DYNLL2: variants seen among roughly 807,000 people sequenced by gnomAD.
DYNLL2 encodes the protein dynein light chain 2, cytoplasmic.
DYNLL2 carries 1 observed loss-of-function variant against 9.7 expected under a neutral mutation model. The observed-to-expected ratio is 0.10, with a 90% CI of 0.04 to 0.49. The LOEUF is 0.49. Ranked by LOEUF, DYNLL2 falls within the 20% of genes least tolerant of loss-of-function variation. The pLI, the probability that DYNLL2 is intolerant of heterozygous loss-of-function variation, is 0.95. For missense variants in DYNLL2, 37 were observed against 115.2 expected (o/e 0.32, Z 3.11); for synonymous variants, 35 against 40.5 (o/e 0.86, Z 0.52).
rs1315748471 is a variant in DYNLL2, at chr17:58,093,044, T to C, written c.*3765T>C. ...ACTTTCTGGCCTGTGACAACTAGAA[T>C]ATAAGCTCTGTGAGAGCATTTTTCT... On this transcript the variant is annotated 3_prime_UTR_variant, in exon 3 of 3. Transcript: ENST00000579991. 2.0e-5 allele frequency: 3 copies of C among 152,248 alleles called. No homozygotes were observed. The highest frequency in any genetic ancestry group is 4.4e-5 in the Non-Finnish European group (3 of 68,042). The allele number at this position is 152,248 out of a possible 1,614,324, so 9.4% of individuals were successfully genotyped here.
Position 58,087,202 on chromosome 17 carries a change from A to G in DYNLL2, c.112A>G (p.Ile38Val). 1 of 1,614,180 alleles carries G rather than the reference A, an allele frequency of 6.2e-7. No individual in the cohort carries two copies. The highest frequency in any genetic ancestry group is 8.5e-7 in the Non-Finnish European group (1 of 1,179,994). Residue 38 changes from isoleucine (I) to valine (V), a missense_variant, in exon 2 of 3, where the codon ATT (isoleucine) becomes GTT (valine). Ile to Val is a conservative substitution (Grantham distance 29). Coordinates refer to ENST00000579991, the MANE Select transcript of DYNLL2 (RefSeq NM_080677.3). Reference sequence around the variant, plus strand: ...GGAGAAGTACAATATAGAGAAGGACATTGCTGCCTATATCAAGAAGGTGTG... The same window carrying G: ...GGAGAAGTACAATATAGAGAAGGACGTTGCTGCCTATATCAAGAAGGTGTG... ...AMEKYNIEKDIAAYIKKEFDK... is the reference protein window; with the variant it reads ...AMEKYNIEKDVAAYIKKEFDK...
chr17:58,087,409 G>A (rs2075764062), intron 2 of DYNLL2, among the ~76,000 whole-genome samples, 187 bp downstream of exon 2: 1 of 141,014 alleles, frequency 7.1e-6, no homozygotes, highest in African/African-American at 2.6e-5. Flanking sequence ...CTTAGGAGTT[G>A]TTAATAGCTC....
At chr17:58,086,658 A>G (rs2075761035) in intron 1 of DYNLL2, among the ~76,000 whole-genome samples, 1 of 152,198 alleles carries the variant, frequency 6.6e-6, no homozygotes, top group Non-Finnish European at 1.5e-5. Context: ...AATTCTGTTC[A>G]AATGTTAGGA....
Position 58,090,217 on chromosome 17 carries a change from T to G in DYNLL2, c.*938T>G. 1 of 296,476 alleles carries G rather than the reference T, an allele frequency of 3.4e-6. No individual in the cohort carries two copies. Among genetic ancestry groups the G allele is most frequent in the East Asian group, 5.5e-5 (1 of 18,338 alleles). 18.4% of individuals were successfully genotyped at this position (296,476 alleles called of 1,614,324 possible). On this transcript the variant is annotated 3_prime_UTR_variant, in exon 3 of 3. Transcript: ENST00000579991. The stretch of plus-strand genomic sequence containing the variant: ...ATTGATGTCTCCCTTGACTCTTCTG[T>G]GTATATGTGTGAATATGTGTGTATA...
intron 1 of DYNLL2, among the ~76,000 whole-genome samples, chr17:58,085,387 G>C (rs1241271000): frequency 6.6e-6 from 1 of 152,224 alleles, no homozygotes. Flanking sequence ...CCGAGATCAA[G>C]GTGGCCTGGA....
At chr17:58,089,000 G>A in intron 2 of DYNLL2, 142 bp from the exon 3 acceptor site, 1 of 983,622 alleles carries the variant, frequency 1.0e-6, no homozygotes, top group African/African-American at 1.7e-5. Flanking sequence ...TTGAGGTTCG[G>A]GGAGCTGAGG....
chr17:58,089,084 A>G, intron 2 of DYNLL2, 58 bp from the exon 3 acceptor site: 4 of 1,603,956 alleles, frequency 2.5e-6, no homozygotes, highest in Non-Finnish European at 3.4e-6. Context: ...TCCCATTCTG[A>G]TTTCTCCTTC....
rs2075771847 is a variant in DYNLL2, at chr17:58,089,360, A to G, written c.*81A>G. 1 of 1,546,056 alleles carries G rather than the reference A, an allele frequency of 6.5e-7. No homozygotes were observed. On this transcript the variant is annotated 3_prime_UTR_variant, in exon 3 of 3. Coordinates refer to ENST00000579991, the MANE Select transcript of DYNLL2 (RefSeq NM_080677.3). Reference sequence around the variant, plus strand: ...GCTGGGACTGTTTTGCACTGGAGCCAGCATCAGGATGTCCTCTCCAATGGC... The same window carrying G: ...GCTGGGACTGTTTTGCACTGGAGCCGGCATCAGGATGTCCTCTCCAATGGC...
intron 1 of DYNLL2, among the ~76,000 whole-genome samples, chr17:58,086,082 CAT>C (rs1386343147): frequency 1.3e-5 from 2 of 152,136 alleles, no homozygotes; most frequent in Non-Finnish European, 2.9e-5. Context: ...CAGAGAGAGA[CAT>C]GTCCTGTGTG....
Position 58,094,137 on chromosome 17 carries a change from T to C in DYNLL2, c.*4858T>C, listed in dbSNP as rs1286855074. On this transcript the variant is annotated 3_prime_UTR_variant, in exon 3 of 3. Transcript: ENST00000579991. The stretch of plus-strand genomic sequence containing the variant: ...ATGCAAACATGCAAAAACAGTGTGG[T>C]AGTGTAGGCAGAACAAGATCTAGAA... The C allele has an allele frequency of 6.6e-6, 1 of 152,180 alleles. No individual in the cohort carries two copies. The highest frequency in any genetic ancestry group is 1.5e-5 in the Non-Finnish European group (1 of 68,052). The allele number at this position is 152,180 out of a possible 1,614,324, so 9.4% of individuals were successfully genotyped here.
intron 2 of DYNLL2, among the ~76,000 whole-genome samples, chr17:58,088,082 TC>T (rs2075766824): frequency 1.2e-5 from 1 of 80,864 alleles, no homozygotes; most frequent in Admixed American, 1.4e-4. Context: ...ACTCCTGGAG[TC>T]CTGAGGGACT....
intron 1 of DYNLL2, 60 bp from the exon 2 acceptor site, chr17:58,087,022 G>C (rs897254360): frequency 1.3e-6 from 2 of 1,592,262 alleles, no homozygotes; most frequent in Non-Finnish European, 1.7e-6. Context: ...ACACCCAGCA[G>C]CTAATGTTCA....
rs1474843946 is a variant in DYNLL2, at chr17:58,094,151, C to G, written c.*4872C>G. On this transcript the variant is annotated 3_prime_UTR_variant, in exon 3 of 3. Coordinates refer to ENST00000579991, the MANE Select transcript of DYNLL2 (RefSeq NM_080677.3). ...AAACAGTGTGGTAGTGTAGGCAGAACAAGATCTAGAATCAGAAGACCTGGA... is the reference window on the plus strand; with the variant it reads ...AAACAGTGTGGTAGTGTAGGCAGAAGAAGATCTAGAATCAGAAGACCTGGA... The G allele has an allele frequency of 1.3e-5, 2 of 152,148 alleles. No individual in the cohort carries two copies. The highest frequency in any genetic ancestry group is 2.9e-5 in the Non-Finnish European group (2 of 68,038). The allele number at this position is 152,148 out of a possible 1,614,324, so 9.4% of individuals were successfully genotyped here.
In DYNLL2 at chr17:58,089,546, C is replaced by T. The variant is rs1334916024; in HGVS notation, c.*267C>T. 2.1e-6 allele frequency: 1 copy of T among 466,724 alleles called. No homozygotes were observed. Among genetic ancestry groups the T allele is most frequent in the East Asian group, 3.5e-5 (1 of 28,954 alleles). 28.9% of individuals were successfully genotyped at this position (466,724 alleles called of 1,614,324 possible). A position where few individuals can be genotyped will look rare whatever the true frequency, so the allele number is the denominator to read the frequency against. Reference sequence around the variant, plus strand: ...GGTTGTATTGCACTAGGAAATCTCTCCCACCTCTCCCTTTTCTCTTTCTTT... The same window carrying T: ...GGTTGTATTGCACTAGGAAATCTCTTCCACCTCTCCCTTTTCTCTTTCTTT... On this transcript the variant is annotated 3_prime_UTR_variant, in exon 3 of 3. Transcript: ENST00000579991.
Position 58,092,139 on chromosome 17 carries a change from A to C in DYNLL2, c.*2860A>C, listed in dbSNP as rs1212601259. ...TTGGCTGATCTTGGGGAGAAGTTCT[A>C]CCTCTGGGGCAGTGAGGTCCTAAGG... On this transcript the variant is annotated 3_prime_UTR_variant, in exon 3 of 3. Coordinates refer to ENST00000579991, the MANE Select transcript of DYNLL2 (RefSeq NM_080677.3). 1 of 152,124 alleles carries C rather than the reference A, an allele frequency of 6.6e-6. No homozygotes were observed. Among genetic ancestry groups the C allele is most frequent in the South Asian group, 2.1e-4 (1 of 4,826 alleles). The allele number at this position is 152,124 out of a possible 1,614,324, so 9.4% of individuals were successfully genotyped here.
chr17:58,083,957 T>TGCCCCC (rs1444997302), intron 1 of DYNLL2, among the ~76,000 whole-genome samples: 2 of 151,064 alleles, frequency 1.3e-5, no homozygotes. Context: ...GAGCTGCCGC[T>TGCCCCC]GCCCCCGCCC....
rs1372589047 is a variant in DYNLL2 at position 58,092,947 on chromosome 17, C to G, written c.*3668C>G. ...CCTGTGCAAGATAGCACCTCTCCCCCATCGCTGTTATCCTTACCCAGTTTA... is the reference window on the plus strand; with the variant it reads ...CCTGTGCAAGATAGCACCTCTCCCCGATCGCTGTTATCCTTACCCAGTTTA... On this transcript the variant is annotated 3_prime_UTR_variant, in exon 3 of 3. Transcript: ENST00000579991. The G allele has an allele frequency of 2.6e-5, 4 of 152,254 alleles. No homozygotes were observed. The highest frequency in any genetic ancestry group is 9.6e-5 in the African/African-American group (4 of 41,470). 9.4% of individuals were successfully genotyped at this position (152,254 alleles called of 1,614,324 possible).
At chr17:58,083,916 C>A (rs1246811626) in intron 1 of DYNLL2, among the ~76,000 whole-genome samples, 1 of 151,714 alleles carries the variant, frequency 6.6e-6, no homozygotes, top group Non-Finnish European at 1.5e-5. Context: ...CCCCGGCCAC[C>A]CTCGTGGCGC....
chr17:58,087,248 G>T, intron 2 of DYNLL2, 26 bp downstream of exon 2: 1 of 1,611,462 alleles, frequency 6.2e-7, no homozygotes, highest in Non-Finnish European at 8.5e-7. Flanking sequence ...TGGGACTGAT[G>T]GCCAGGGGTG....
Sources: allele counts gnomAD v4.1 joint callset (sites outside exome capture counted in the v4.1 genomes callset), GRCh38; gene constraint gnomAD v4.1.1; transcripts MANE v1.5; gene names NCBI Gene and HGNC (gene_info 2026-07-23, HGNC 2026-07-21).